The following KIAA0753 variants were observed in gnomAD, a reference collection of about 807,000 sequenced individuals.
The protein encoded by KIAA0753 is KIAA0753, also known as protein moonraker.
KIAA0753 carries 114 observed loss-of-function variants against 116.9 expected under a neutral mutation model. That is an observed-to-expected ratio of 0.98 (90% CI 0.84 to 1.14). KIAA0753 has a LOEUF of 1.14. KIAA0753 is among the 50% of genes most tolerant of loss of function. The pLI, the probability that KIAA0753 is intolerant of heterozygous loss-of-function variation, is 0.00. For synonymous variants in KIAA0753, 405 were observed against 413.1 expected (o/e 0.98, Z 0.24); for missense variants, 1,156 against 1,172.4 (o/e 0.99, Z 0.20).
chr17:6,587,862 A>C (rs1272889530), intron 18 of KIAA0753, among the ~76,000 whole-genome samples: 1 of 152,264 alleles, frequency 6.6e-6, no homozygotes, highest in East Asian at 1.9e-4. Context: ...CACGTGAGTG[A>C]GAAATGCCCA....
chr17:6,636,592 T>C (rs1384397232), intron 1 of KIAA0753, among the ~76,000 whole-genome samples: 1 of 152,096 alleles, frequency 6.6e-6, no homozygotes, highest in African/African-American at 2.4e-5. Context: ...CCTTGCAATC[T>C]GGCCCTTTCC....
chr17:6,611,826 G>A, intron 8 of KIAA0753, 93 bp downstream of exon 8: 1 of 952,322 alleles, frequency 1.1e-6, no homozygotes, highest in Non-Finnish European at 1.6e-6. Flanking sequence ...GCATCCAATT[G>A]CCTGAGAACT....
chr17:6,611,773 TAAAA>T, intron 8 of KIAA0753, 142 bp downstream of exon 8: 2 of 649,614 alleles, frequency 3.1e-6, no homozygotes, highest in Non-Finnish European at 5.4e-6. Flanking sequence ...ATTTTTTTGT[TAAAA>T]TATATAAACA....
At chr17:6,634,179 T>C (rs1972173391) in intron 2 of KIAA0753, among the ~76,000 whole-genome samples, 1 of 150,844 alleles carries the variant, frequency 6.6e-6, no homozygotes, top group African/African-American at 2.4e-5. Flanking sequence ...CTCTGCTCAC[T>C]GCAACCTCTG....
At chr17:6,620,678 G>C (rs936068994) in intron 7 of KIAA0753, 110 bp downstream of exon 7, 1 of 1,020,558 alleles carries the variant, frequency 9.8e-7, no homozygotes, top group Admixed American at 2.0e-5. Flanking sequence ...AAGTTCATCT[G>C]TTGTGGGCTA....
intron 12 of KIAA0753, among the ~76,000 whole-genome samples, chr17:6,603,975 C>T (rs191280763): frequency 3.9e-5 from 6 of 152,200 alleles, no homozygotes; most frequent in Admixed American, 3.9e-4. Flanking sequence ...TACAAAAAAG[C>T]AGAGTGACAC....
At position 6,612,050 on chromosome 17, in the gene KIAA0753, T is replaced by A. The variant is rs750789168; in HGVS notation, c.1414A>T (p.Ile472Phe). Residue 472 changes from isoleucine (I) to phenylalanine (F), a missense_variant, in exon 8 of 19, where the codon ATT becomes TTT. Coordinates refer to ENST00000361413, the MANE Select transcript of KIAA0753 (RefSeq NM_014804.3). ...ADIVLEEGPF[I>F]LDQSASFKDE... Reference sequence around the variant, plus strand: ...TTGAAGCTTGCACTTTGGTCTAGAATAAATGGTCCTTCTTCCAGAACTATA... The same window carrying A: ...TTGAAGCTTGCACTTTGGTCTAGAAAAAATGGTCCTTCTTCCAGAACTATA... 1.7e-5 allele frequency: 27 copies of A among 1,614,086 alleles called. No homozygotes were observed. Among genetic ancestry groups the A allele is most frequent in the African/African-American group, 2.7e-5 (2 of 74,942 alleles).
intron 10 of KIAA0753, among the ~76,000 whole-genome samples, chr17:6,607,739 A>G (rs370738017): frequency 1.2e-4 from 19 of 152,338 alleles, no homozygotes; most frequent in Middle Eastern, 3.4e-3. Context: ...GACCGCTTTC[A>G]TTTTTGTTTT....
chr17:6,595,566 T>C (rs760767625), intron 15 of KIAA0753, among the ~76,000 whole-genome samples: 1 of 152,208 alleles, frequency 6.6e-6, no homozygotes, highest in Non-Finnish European at 1.5e-5. Flanking sequence ...CATGGTGCGA[T>C]GGAAAAGAAA....
intron 14 of KIAA0753, 119 bp from the exon 15 acceptor site, chr17:6,596,462 CA>C: frequency 1.3e-6 from 1 of 769,140 alleles, no homozygotes; most frequent in Middle Eastern, 3.6e-4. Context: ...CAACAGCATA[CA>C]GATCCAAATG....
rs1210047152 is a variant in KIAA0753 at position 6,628,304 on chromosome 17, T to C, written c.531A>G (p.Ser177=). 1.2e-6 allele frequency: 2 copies of C among 1,614,136 alleles called. No homozygotes were observed. Among genetic ancestry groups the C allele is most frequent in the Non-Finnish European group, 1.7e-6 (2 of 1,180,016 alleles). ...TAAGATCTGACTGGCCTGGATGAGA[T>C]GAGTAAAGGTATACTTTGGCACCAG... ...SSSGAKVYLY[S]SHPGQSDLTV... is the part of the protein sequence containing the mutation. The change falls in exon 3 of 19, where the codon TCA becomes TCG. Residue 177 remains serine, a synonymous_variant. Transcript: ENST00000361413.
intron 18 of KIAA0753, among the ~76,000 whole-genome samples, chr17:6,583,325 G>A (rs935573856): frequency 2.0e-5 from 3 of 152,154 alleles, no homozygotes; most frequent in African/African-American, 7.2e-5. Context: ...GCAATATTGA[G>A]TATGGATTTC....
At chr17:6,612,342 G>C (rs938554609) in intron 7 of KIAA0753, among the ~76,000 whole-genome samples, 194 bp from the exon 8 acceptor site, 2 of 152,098 alleles carry the variant, frequency 1.3e-5, no homozygotes, top group African/African-American at 2.4e-5. Context: ...TAGGTGTCAC[G>C]GTTGACTCCC....
At chr17:6,627,721 T>C (rs1312629504) in intron 3 of KIAA0753, among the ~76,000 whole-genome samples, 1 of 152,206 alleles carries the variant, frequency 6.6e-6, no homozygotes, top group East Asian at 1.9e-4. Context: ...ACCTATAATA[T>C]AAATACATTA....
At chr17:6,580,338 G>C (rs995733878) in intron 18 of KIAA0753, among the ~76,000 whole-genome samples, 1 of 144,062 alleles carries the variant, frequency 6.9e-6, no homozygotes, top group African/African-American at 2.6e-5. Flanking sequence ...TTTTTGAGAC[G>C]GAGTCTCGCT....
intron 16 of KIAA0753, among the ~76,000 whole-genome samples, chr17:6,592,611 T>C (rs540553456): frequency 6.6e-6 from 1 of 152,212 alleles, no homozygotes; most frequent in Admixed American, 6.5e-5. Context: ...TGGACTTCCA[T>C]TAGGAAAAAA....
At chr17:6,612,357 T>C (rs562253036) in intron 7 of KIAA0753, among the ~76,000 whole-genome samples, 5 of 152,342 alleles carry the variant, frequency 3.3e-5, no homozygotes, top group Admixed American at 3.3e-4. Flanking sequence ...ACTCCCTGAA[T>C]CTTCGCTATC....
chr17:6,606,784 C>A, intron 12 of KIAA0753, 89 bp downstream of exon 12: 2 of 919,482 alleles, frequency 2.2e-6, no homozygotes, highest in Admixed American at 1.8e-5. Context: ...TGAAGTTAGG[C>A]CTTAACAGTC....
chr17:6,619,184 A>C (rs2150871799), intron 7 of KIAA0753, among the ~76,000 whole-genome samples: 1 of 152,188 alleles, frequency 6.6e-6, no homozygotes, highest in Middle Eastern at 3.4e-3. Context: ...AGCCGAGATC[A>C]CATCACTGCA....
Sources: allele counts gnomAD v4.1 joint callset (sites outside exome capture counted in the v4.1 genomes callset), GRCh38; gene constraint gnomAD v4.1.1; transcripts MANE v1.5; gene names NCBI Gene and HGNC (gene_info 2026-07-23, HGNC 2026-07-21).